The following PRTG variants were observed in gnomAD, a reference collection of about 807,000 sequenced individuals.
PRTG encodes immunoglobulin superfamily, DCC subclass, member 5.
A neutral mutation model predicts 122.5 loss-of-function variants in PRTG; 67 were observed. That is an observed-to-expected ratio of 0.55 (90% CI 0.45 to 0.67). The LOEUF (loss-of-function observed/expected upper bound fraction) is 0.67. Ranked by LOEUF, PRTG falls within the 30% of genes least tolerant of loss-of-function variation. The probability of loss-of-function intolerance (pLI) is 0.00; values close to 1 mark genes in which losing one functional copy is unlikely to be tolerated. For synonymous variants in PRTG, 554 were observed against 501.1 expected (o/e 1.11, Z -1.41); for missense variants, 1,435 against 1,415.4 (o/e 1.01, Z -0.22).
In PRTG at chr15:55,619,917, C is replaced by T; in HGVS notation, c.*95G>A. 6.4e-7 allele frequency: 1 copy of T among 1,550,894 alleles called. No homozygotes were observed. The highest frequency in any genetic ancestry group is 1.3e-5 in the South Asian group (1 of 79,410). Reference sequence around the variant, plus strand: ...AGCATGGCAGATGGCGGCTGCAGAACTAAGGAGGAAGTCTGCTCACTAACA... The same window carrying T: ...AGCATGGCAGATGGCGGCTGCAGAATTAAGGAGGAAGTCTGCTCACTAACA... On this transcript the variant is annotated 3_prime_UTR_variant, in exon 20 of 20. Transcript: ENST00000389286.
intron 8 of PRTG, 117 bp downstream of exon 8, chr15:55,677,680 A>C: frequency 1.1e-6 from 1 of 891,360 alleles, no homozygotes; most frequent in South Asian, 1.7e-5. Context: ...ATCAAAGAAG[A>C]TAAATGCCAC....
intron 2 of PRTG, among the ~76,000 whole-genome samples, chr15:55,732,713 C>T (rs1379435109): frequency 6.6e-6 from 1 of 151,904 alleles, no homozygotes; most frequent in African/African-American, 2.4e-5. Flanking sequence ...AGGCTGGTCT[C>T]GAACTCCCAA....
At chr15:55,629,383 G>T (rs28542039) in intron 15 of PRTG, among the ~76,000 whole-genome samples, 1 of 69,844 alleles carries the variant, frequency 1.4e-5, no homozygotes, top group Non-Finnish European at 2.8e-5. Flanking sequence ...ATATGTGTGT[G>T]TGTGTGTGTG....
At chr15:55,684,071 T>C (rs1205102676) in intron 2 of PRTG, 140 bp from the exon 3 acceptor site, 5 of 583,480 alleles carry the variant, frequency 8.6e-6, no homozygotes, top group Non-Finnish European at 1.1e-5. Context: ...ATGAAGATAA[T>C]TTAGTGAATA....
chr15:55,635,074 G>GTGTGTGTGTGTGT (rs1567076962), intron 15 of PRTG, among the ~76,000 whole-genome samples: 24,937 of 135,110 alleles, frequency 0.18, 2,703 homozygotes, highest in East Asian at 0.3. Context: ...GTTGGTTCTG[G>GTGTGTGTGTGTGT]GTGTGTGTGT....
At position 55,638,020 on chromosome 15, in the gene PRTG, G is replaced by T. The variant is rs2059267384; in HGVS notation, c.2452+529C>A. Among the ~76,000 whole-genome samples, 6 of 152,168 alleles carry T rather than the reference G, an allele frequency of 3.9e-5. No homozygotes were observed. The South Asian group carries it at 1.2e-3, about 32-fold the overall frequency. On this transcript the variant is annotated intron_variant, in intron 14 of 19. Coordinates refer to ENST00000389286, the MANE Select transcript of PRTG (RefSeq NM_173814.6). ...TGTATAATTAAAATAGAGCAGAAAT[G>T]ATGCTTATATAATAGATTATCTAGT...
At chr15:55,717,488 CT>C (rs2030642413) in intron 2 of PRTG, among the ~76,000 whole-genome samples, 2 of 152,162 alleles carry the variant, frequency 1.3e-5, no homozygotes, top group African/African-American at 4.8e-5. Flanking sequence ...CATCTGAAAG[CT>C]TTTATTCTTC....
intron 11 of PRTG, among the ~76,000 whole-genome samples, chr15:55,647,366 C>T (rs1341892768): frequency 1.3e-5 from 2 of 152,136 alleles, no homozygotes; most frequent in African/African-American, 2.4e-5. Flanking sequence ...CAAGAGCCCA[C>T]CAAAAGTCAG....
intron 11 of PRTG, among the ~76,000 whole-genome samples, chr15:55,652,429 G>C (rs1332802724): frequency 3.9e-5 from 6 of 152,202 alleles, no homozygotes; most frequent in East Asian, 1.9e-4. Flanking sequence ...ACAAGGTTTT[G>C]TGTGAGCCTT....
chr15:55,627,132 G>C lies in PRTG; in HGVS notation c.2807-4C>G, dbSNP rs368197514. 1.7e-5 allele frequency: 26 copies of C among 1,572,572 alleles called. No homozygotes were observed. Among genetic ancestry groups the C allele is most frequent in the African/African-American group, 2.7e-5 (2 of 73,548 alleles). On this transcript the variant is annotated splice_region_variant and splice_polypyrimidine_tract_variant and intron_variant, in intron 16 of 19. Coordinates refer to ENST00000389286, the MANE Select transcript of PRTG (RefSeq NM_173814.6). ...AGATGGTAATATCCTGAATAAACTAGAAGGGAAAACACATTTACTCAGAAT... is the reference window on the plus strand; with the variant it reads ...AGATGGTAATATCCTGAATAAACTACAAGGGAAAACACATTTACTCAGAAT...
chr15:55,677,893 T>C lies in PRTG; in HGVS notation c.1285A>G (p.Thr429Ala). ...AAAAGAATGGCTGAGCTTGACATGG[T>C]TTCAGCATGTACATTATAGGGAGCA... Reference protein sequence around the residue: ...PSAPYNVHAETMSSSAILLAW... With the variant: ...PSAPYNVHAEAMSSSAILLAW... The change falls in exon 8 of 20, where the codon ACC becomes GCC. Residue 429 changes from threonine (T) to alanine (A), a missense_variant. Thr to Ala is a moderately conservative substitution (Grantham distance 58). Transcript: ENST00000389286. The C allele has an allele frequency of 1.2e-6, 2 of 1,613,888 alleles. No individual in the cohort carries two copies. Among genetic ancestry groups the C allele is most frequent in the Non-Finnish European group, 1.7e-6 (2 of 1,179,878 alleles).
At chr15:55,735,905 T>A (rs1469744006) in intron 2 of PRTG, among the ~76,000 whole-genome samples, 1 of 152,104 alleles carries the variant, frequency 6.6e-6, no homozygotes, top group Non-Finnish European at 1.5e-5. Flanking sequence ...GAACCAAATG[T>A]CATTCTAAAA....
intron 18 of PRTG, among the ~76,000 whole-genome samples, chr15:55,623,868 A>G (rs969746609): frequency 3.3e-5 from 5 of 152,222 alleles, no homozygotes; most frequent in Non-Finnish European, 5.9e-5. Flanking sequence ...TGAGGCACCT[A>G]TTTAGATGCT....
At chr15:55,703,394 C>A (rs1182657351) in intron 2 of PRTG, among the ~76,000 whole-genome samples, 5 of 152,124 alleles carry the variant, frequency 3.3e-5, no homozygotes, top group Admixed American at 6.5e-5. Flanking sequence ...TTCTGCTGGA[C>A]TGATGGAGCC....
chr15:55,650,265 A>G (rs189612118), intron 11 of PRTG, among the ~76,000 whole-genome samples: 1 of 152,316 alleles, frequency 6.6e-6, no homozygotes, highest in Admixed American at 6.5e-5. Context: ...AAATATAAGT[A>G]CCATCTAAGA....
At chr15:55,728,442 G>C (rs1482645206) in intron 2 of PRTG, among the ~76,000 whole-genome samples, 1 of 152,044 alleles carries the variant, frequency 6.6e-6, no homozygotes, top group Admixed American at 6.6e-5. Context: ...TTTATCCCAG[G>C]AATGTAAAAG....
chr15:55,679,292 T>A lies in PRTG; in HGVS notation c.1127A>T (p.Tyr376Phe). ...GCAAAGTTACACAGCCTACCTGTTG[T>A]ACATTTTAATTCTACCATTCGAATG... ...KIHSNGRIKM[Y>F]NSKLVINQII... is the part of the protein sequence containing the mutation. The change falls in exon 7 of 20, where the codon TAC becomes TTC. Residue 376 changes from tyrosine (Y) to phenylalanine (F), a missense_variant. Tyr to Phe is a conservative substitution (Grantham distance 22, BLOSUM62 3). Transcript: ENST00000389286. 1 of 1,610,672 alleles carries A rather than the reference T, an allele frequency of 6.2e-7. No homozygotes were observed. Among genetic ancestry groups the A allele is most frequent in the Non-Finnish European group, 8.5e-7 (1 of 1,177,096 alleles).
chr15:55,704,391 C>A (rs1023128681), intron 2 of PRTG, among the ~76,000 whole-genome samples: 26 of 152,122 alleles, frequency 1.7e-4, no homozygotes, highest in African/African-American at 5.8e-4. Context: ...ATCACCAAAT[C>A]CATCAAGATC....
chr15:55,742,271 G>C (rs1370908015), intron 1 of PRTG: 2 of 152,306 alleles, frequency 1.3e-5, no homozygotes, highest in Non-Finnish European at 2.9e-5. Flanking sequence ...CTCCTGGCTG[G>C]ATCCAGATCC....
Sources: allele counts gnomAD v4.1 joint callset (sites outside exome capture counted in the v4.1 genomes callset), GRCh38; gene constraint gnomAD v4.1.1; transcripts MANE v1.5; gene names NCBI Gene and HGNC (gene_info 2026-07-23, HGNC 2026-07-21).